Variants in NHEJ1 observed in about 807,000 individuals in gnomAD.
NHEJ1 encodes non-homologous end joining factor 1, also known as non-homologous end-joining factor 1.
A neutral mutation model predicts 39.4 loss-of-function variants in NHEJ1; 22 were observed. The observed-to-expected ratio is 0.56, with a 90% CI of 0.40 to 0.80. The LOEUF is 0.80. Ranked by LOEUF, NHEJ1 falls within the 30% of genes least tolerant of loss-of-function variation. The pLI is 0.00. For missense variants in NHEJ1, 329 were observed against 357.1 expected (o/e 0.92, Z 0.63); for synonymous variants, 154 against 135.6 (o/e 1.14, Z -0.94).
At chr2:219,079,314 A>C (rs752276666) in intron 5 of NHEJ1, among the ~76,000 whole-genome samples, 17 of 152,222 alleles carry the variant, frequency 1.1e-4, no homozygotes, top group Non-Finnish European at 1.0e-4. Context: ...CAGCCATGCC[A>C]GCAGCTCACA....
chr2:219,123,803 T>C (rs1459933227), intron 5 of NHEJ1, among the ~76,000 whole-genome samples: 2 of 152,226 alleles, frequency 1.3e-5, no homozygotes, highest in South Asian at 2.1e-4. Flanking sequence ...GAGAGGCCTG[T>C]AGGCCTAGCC....
chr2:219,123,226 T>C lies in NHEJ1; in HGVS notation c.588+23454A>G, dbSNP rs974206037. Among the ~76,000 whole-genome samples the C allele has an allele frequency of 3.3e-5, 5 of 152,162 alleles. No homozygotes were observed. The East Asian group carries it at 9.6e-4, about 29-fold the overall frequency. On this transcript the variant is annotated intron_variant, in intron 5 of 7. Coordinates refer to ENST00000356853, the MANE Select transcript of NHEJ1 (RefSeq NM_024782.3). ...CCAGAATCAAATTACAAGGCTCAAT[T>C]AGGCAACAAAGACATATTTTGTAGA...
chr2:219,160,521 C>T (rs1949923230), intron 1 of NHEJ1, 199 bp downstream of exon 1: 1 of 152,262 alleles, frequency 6.6e-6, no homozygotes, highest in African/African-American at 2.4e-5. Flanking sequence ...TTCACTCGAG[C>T]CCTACCATCC....
intron 5 of NHEJ1, among the ~76,000 whole-genome samples, chr2:219,080,664 A>AT: frequency 1.2e-5 from 1 of 80,250 alleles, no homozygotes; most frequent in Admixed American, 1.2e-4. Context: ...AATATATATA[A>AT]GCTTTTATAT....
Position 219,078,106 on chromosome 2 carries a change from T to C in NHEJ1, c.689A>G (p.Gln230Arg). 6.2e-7 allele frequency: 1 copy of C among 1,614,150 alleles called. No homozygotes were observed. Among genetic ancestry groups the C allele is most frequent in the African/African-American group, 1.3e-5 (1 of 75,072 alleles). Residue 230 changes from glutamine (Q) to arginine (R), a missense_variant, in exon 6 of 8, where the codon CAG becomes CGG. By Grantham distance (43) the Gln-to-Arg change is conservative. Coordinates refer to ENST00000356853, the MANE Select transcript of NHEJ1 (RefSeq NM_024782.3). ...GGGCTCACCAGCGCCTTGATGCTTC[T>C]GTCCCACTTGGACCTCTTGTGTGGT... ...AVTTQEVQVG[Q>R]KHQGAGDPHT...
chr2:219,103,389 T>C (rs1269879960), intron 5 of NHEJ1, among the ~76,000 whole-genome samples: 3 of 151,790 alleles, frequency 2.0e-5, no homozygotes, highest in Non-Finnish European at 2.9e-5. Context: ...GATTCTCCTG[T>C]CTCAGACTCC....
At chr2:219,136,656 G>A (rs1275256001) in intron 5 of NHEJ1, among the ~76,000 whole-genome samples, 4 of 152,134 alleles carry the variant, frequency 2.6e-5, no homozygotes, top group African/African-American at 9.7e-5. Flanking sequence ...AGGCTGGAGT[G>A]CAGTGGCACA....
chr2:219,106,284 GA>G (rs1462048118), intron 5 of NHEJ1, among the ~76,000 whole-genome samples: 1 of 152,176 alleles, frequency 6.6e-6, no homozygotes, highest in East Asian at 1.9e-4. Context: ...AAGTTCCAGG[GA>G]GGGTCACATA....
chr2:219,142,665 T>C (rs1255469150), intron 5 of NHEJ1, among the ~76,000 whole-genome samples: 1 of 152,206 alleles, frequency 6.6e-6, no homozygotes, highest in Non-Finnish European at 1.5e-5. Context: ...TGCCCAGTCA[T>C]CCTAAACTTC....
rs765924114 is a variant in NHEJ1, at chr2:219,074,615, G to C, written c.*1766C>G. On this transcript the variant is annotated 3_prime_UTR_variant, in exon 8 of 8. Coordinates refer to ENST00000356853, the MANE Select transcript of NHEJ1 (RefSeq NM_024782.3). ...AAAAATTAGCCGGGCTTGGTGGCAG[G>C]CATCTAATCCCAGCTACTCGGGAGG... is the stretch of plus-strand genomic sequence containing the variant. Among the ~76,000 whole-genome samples, 1 of 151,808 alleles carries C rather than the reference G, an allele frequency of 6.6e-6. No homozygotes were observed. Among genetic ancestry groups the C allele is most frequent in the Admixed American group, 6.6e-5 (1 of 15,252 alleles).
At chr2:219,115,448 A>C (rs1949404607) in intron 5 of NHEJ1, among the ~76,000 whole-genome samples, 1 of 152,148 alleles carries the variant, frequency 6.6e-6, no homozygotes, top group Non-Finnish European at 1.5e-5. Context: ...GGAAGGGAGG[A>C]ACAGAAGAAG....
chr2:219,084,736 C>T (rs1235162325), intron 5 of NHEJ1, among the ~76,000 whole-genome samples: 1 of 152,168 alleles, frequency 6.6e-6, no homozygotes, highest in African/African-American at 2.4e-5. Flanking sequence ...TATTGTCTTC[C>T]TACCTCCCCA....
At chr2:219,137,577 A>C (rs1949644158) in intron 5 of NHEJ1, among the ~76,000 whole-genome samples, 8 of 140,454 alleles carry the variant, frequency 5.7e-5, no homozygotes, top group Admixed American at 5.0e-4. Context: ...AGGCAAAAAA[A>C]AAAAAAAAAA....
chr2:219,100,714 G>C (rs1486557032), intron 5 of NHEJ1, among the ~76,000 whole-genome samples: 1 of 151,936 alleles, frequency 6.6e-6, no homozygotes, highest in African/African-American at 2.4e-5. Context: ...GATTCCCACA[G>C]GGACCAAGAA....
chr2:219,102,922 G>A (rs1473835763), intron 5 of NHEJ1, among the ~76,000 whole-genome samples: 8 of 140,828 alleles, frequency 5.7e-5, no homozygotes, highest in South Asian at 2.3e-4. Context: ...GGAGAATGGC[G>A]TGAACCCGGG....
Position 219,158,235 on chromosome 2 carries a change from T to C in NHEJ1, c.128A>G (p.Gln43Arg), listed in dbSNP as rs770930517. 1 of 1,614,182 alleles carries C rather than the reference T, an allele frequency of 6.2e-7. No individual in the cohort carries two copies. Among genetic ancestry groups the C allele is most frequent in the Non-Finnish European group, 8.5e-7 (1 of 1,180,040 alleles). Residue 43 changes from glutamine (Q) to arginine (R), a missense_variant, in exon 2 of 8, where the codon CAG (glutamine) becomes CGG (arginine). By Grantham distance (43) the Gln-to-Arg change is conservative (BLOSUM62 1). Transcript: ENST00000356853. ...GYALLVSDLQ[Q>R]VWHEQVDTSV... is the part of the protein sequence containing the mutation. Reference sequence around the variant, plus strand: ...AGTGTCCACCTGTTCATGCCACACCTGTTGAAGATCTGAAACCAACAAGGC... The same window carrying C: ...AGTGTCCACCTGTTCATGCCACACCCGTTGAAGATCTGAAACCAACAAGGC...
At chr2:219,091,369 A>G (rs1949158481) in intron 5 of NHEJ1, among the ~76,000 whole-genome samples, 1 of 152,110 alleles carries the variant, frequency 6.6e-6, no homozygotes, top group Non-Finnish European at 1.5e-5. Flanking sequence ...CTTTCCTTAT[A>G]AAGCTATTTC....
chr2:219,085,930 A>C (rs1251720508), intron 5 of NHEJ1, among the ~76,000 whole-genome samples: 1 of 152,124 alleles, frequency 6.6e-6, no homozygotes, highest in Non-Finnish European at 1.5e-5. Flanking sequence ...GTTTGAGACA[A>C]AGTCCAGGTC....
intron 1 of NHEJ1, chr2:219,158,856 G>T: frequency 5.5e-6 from 1 of 182,092 alleles, no homozygotes; most frequent in Non-Finnish European, 1.2e-5. Context: ...TAAAAACAAA[G>T]TTTAGGAAGC....
Sources: gnomAD v4.1 joint callset for allele counts (sites outside exome capture counted in the v4.1 genomes callset) on GRCh38, gnomAD v4.1.1 for gene constraint, MANE v1.5 for transcripts, NCBI Gene and HGNC (gene_info 2026-07-23, HGNC 2026-07-21) for gene names.